The following THSD7A variants were observed in gnomAD, a reference collection of about 807,000 sequenced individuals.
THSD7A encodes thrombospondin type 1 domain containing 7A, also known as thrombospondin type-1 domain-containing protein 7A.
Under a neutral mutation model 231.3 loss-of-function variants are expected in THSD7A, and 96 were observed. The observed-to-expected ratio is 0.41, with a 90% CI of 0.35 to 0.49. The LOEUF (loss-of-function observed/expected upper bound fraction) is 0.49. Ranked by LOEUF, THSD7A falls within the 20% of genes least tolerant of loss-of-function variation. THSD7A has a pLI of 0.05. For missense variants in THSD7A, 2,290 were observed against 2,070.2 expected (o/e 1.11, Z -2.06); for synonymous variants, 940 against 743.3 (o/e 1.26, Z -4.30).
chr7:11,586,928 A>G (rs1049819639), intron 4 of THSD7A, among the ~76,000 whole-genome samples: 3 of 152,124 alleles, frequency 2.0e-5, no homozygotes, highest in Non-Finnish European at 2.9e-5. Flanking sequence ...TCAATCCCAC[A>G]GACAATATCC....
At chr7:11,704,097 A>T (rs1334905579) in intron 1 of THSD7A, among the ~76,000 whole-genome samples, 1 of 151,176 alleles carries the variant, frequency 6.6e-6, no homozygotes, top group Non-Finnish European at 1.5e-5. Flanking sequence ...GGAACAAAGC[A>T]TCGAAAGTTC....
In THSD7A at chr7:11,832,040, G is replaced by A; in HGVS notation, c.-94C>T. 1 of 852,786 alleles carries A rather than the reference G, an allele frequency of 1.2e-6. No individual in the cohort carries two copies. Among genetic ancestry groups the A allele is most frequent in the Non-Finnish European group, 1.5e-6 (1 of 653,626 alleles). 52.8% of individuals were successfully genotyped at this position (852,786 alleles called of 1,614,324 possible). On this transcript the variant is annotated 5_prime_UTR_variant, in exon 1 of 28. Transcript: ENST00000423059. ...AACGTCTTTTCAAAGAGTACAGAAA[G>A]CAAAGCTCTTTCCTGCTATTGTTCG...
chr7:11,568,725 G>C (rs933118362), intron 4 of THSD7A, among the ~76,000 whole-genome samples: 5 of 141,524 alleles, frequency 3.5e-5, no homozygotes, highest in Non-Finnish European at 7.6e-5. Flanking sequence ...GAAATAGCCA[G>C]ACCAATCAGG....
At chr7:11,645,039 G>C (rs1782227046) in intron 1 of THSD7A, among the ~76,000 whole-genome samples, 1 of 151,946 alleles carries the variant, frequency 6.6e-6, no homozygotes, top group Non-Finnish European at 1.5e-5. Flanking sequence ...TAAAATACAT[G>C]TTGCCCAACT....
chr7:11,788,370 A>G (rs1425408301), intron 1 of THSD7A, among the ~76,000 whole-genome samples: 2 of 152,010 alleles, frequency 1.3e-5, no homozygotes, highest in African/African-American at 2.4e-5. Flanking sequence ...ATGTTCTTCT[A>G]TAGTCTTGCC....
In THSD7A at chr7:11,447,345, A is replaced by C; in HGVS notation, c.2685T>G (p.Leu895=). The C allele has an allele frequency of 6.2e-7, 1 of 1,612,612 alleles. No homozygotes were observed. The highest frequency in any genetic ancestry group is 8.5e-7 in the Non-Finnish European group (1 of 1,179,250). Residue 895 remains leucine (L), a synonymous_variant, in exon 12 of 28, where the codon CTT becomes CTG. Coordinates refer to ENST00000423059, the MANE Select transcript of THSD7A (RefSeq NM_015204.3). ...CLQYAGPVPA[L]TQACQIPCQD... is the part of the protein sequence containing the mutation. ...GGCAGGGGATCTGGCAGGCCTGGGT[A>C]AGGGCTGGCACAGGGCCTGCATACT...
chr7:11,487,562 A>T (rs1032205286), intron 6 of THSD7A, among the ~76,000 whole-genome samples: 1 of 152,156 alleles, frequency 6.6e-6, no homozygotes, highest in Non-Finnish European at 1.5e-5. Context: ...GCTGCTAATC[A>T]AGATATACCC....
intron 4 of THSD7A, among the ~76,000 whole-genome samples, chr7:11,550,543 T>G (rs532698307): frequency 2.6e-5 from 4 of 152,130 alleles, no homozygotes; most frequent in Non-Finnish European, 5.9e-5. Flanking sequence ...GAAGTGACAC[T>G]TTTCCCTTTG....
intron 4 of THSD7A, among the ~76,000 whole-genome samples, chr7:11,568,640 A>C (rs796728591): frequency 0.015 from 2,170 of 143,812 alleles, 44 homozygotes; most frequent in African/African-American, 0.054. Flanking sequence ...AAAAAAAAAA[A>C]AAAAAAAAAA....
At chr7:11,562,538 AT>A (rs1790118859) in intron 4 of THSD7A, among the ~76,000 whole-genome samples, 1 of 151,980 alleles carries the variant, frequency 6.6e-6, no homozygotes, top group Admixed American at 6.6e-5. Context: ...TTAGCATTTT[AT>A]TTCCTTAAAC....
chr7:11,535,651 A>T (rs945859359), intron 6 of THSD7A, among the ~76,000 whole-genome samples: 1 of 152,056 alleles, frequency 6.6e-6, no homozygotes, highest in Admixed American at 6.6e-5. Context: ...TTGTTGACTT[A>T]TTGCTTAAAT....
intron 16 of THSD7A, among the ~76,000 whole-genome samples, chr7:11,419,562 G>A (rs1329686213): frequency 2.0e-5 from 3 of 152,124 alleles, no homozygotes; most frequent in Non-Finnish European, 4.4e-5. Context: ...GTTCTTTATA[G>A]CAGTGTGAAA....
intron 1 of THSD7A, among the ~76,000 whole-genome samples, chr7:11,791,416 A>C (rs1450807966): frequency 6.6e-6 from 1 of 151,970 alleles, no homozygotes; most frequent in African/African-American, 2.4e-5. Flanking sequence ...TTTTCTGGAA[A>C]ATTTCTGGAG....
chr7:11,776,286 T>A (rs533278700), intron 1 of THSD7A, among the ~76,000 whole-genome samples: 1 of 152,310 alleles, frequency 6.6e-6, no homozygotes, highest in Non-Finnish European at 1.5e-5. Flanking sequence ...TATTCTTATC[T>A]CACATAAGAA....
chr7:11,746,819 G>A (rs955746423), intron 1 of THSD7A, among the ~76,000 whole-genome samples: 10 of 151,738 alleles, frequency 6.6e-5, no homozygotes, highest in South Asian at 2.1e-4. Flanking sequence ...TAGAGGGTGC[G>A]TTAAACTGTA....
chr7:11,641,459 T>C (rs1023628163), intron 1 of THSD7A, among the ~76,000 whole-genome samples: 40 of 152,234 alleles, frequency 2.6e-4, no homozygotes, highest in African/African-American at 9.1e-4. Context: ...GCACAAGAGT[T>C]TCTAAAGTTT....
chr7:11,441,816 ACTGGGGCCTGTCGG>A (rs1175394473), intron 13 of THSD7A, among the ~76,000 whole-genome samples: 1 of 151,554 alleles, frequency 6.6e-6, no homozygotes, highest in African/African-American at 2.4e-5. Flanking sequence ...AACATCACAC[ACTGGGGCCTGTCGG>A]CAGGGGTCGG....
intron 6 of THSD7A, among the ~76,000 whole-genome samples, chr7:11,488,616 A>C (rs373878001): frequency 1.1e-4 from 16 of 152,050 alleles, no homozygotes; most frequent in African/African-American, 2.2e-4. Flanking sequence ...TCTCGAATCC[A>C]TTTTCTCTTC....
At chr7:11,407,501 G>A in intron 19 of THSD7A, 78 bp from the exon 20 acceptor site, 2 of 1,031,536 alleles carry the variant, frequency 1.9e-6, no homozygotes, top group South Asian at 1.4e-5. Flanking sequence ...CAAGAAAGAA[G>A]AGAAGGAGGG....
Sources: allele counts gnomAD v4.1 joint callset (sites outside exome capture counted in the v4.1 genomes callset), GRCh38; gene constraint gnomAD v4.1.1; transcripts MANE v1.5; gene names NCBI Gene and HGNC (gene_info 2026-07-23, HGNC 2026-07-21).